Variants in DIP2B observed in about 807,000 individuals in gnomAD.
DIP2B encodes disco-interacting protein 2 homolog B.
A neutral mutation model predicts 198.0 loss-of-function variants in DIP2B; 76 were observed. The ratio of observed to expected loss-of-function variants is 0.38; its 90% CI spans 0.32 to 0.46. DIP2B has a LOEUF of 0.46. DIP2B is among the 20% of genes least tolerant of loss of function. The probability of loss-of-function intolerance (pLI) is 0.99; values close to 1 mark genes in which losing one functional copy is unlikely to be tolerated. For synonymous variants in DIP2B, 701 were observed against 739.1 expected (o/e 0.95, Z 0.84); for missense variants, 1,559 against 1,978.4 (o/e 0.79, Z 4.02).
intron 1 of DIP2B, among the ~76,000 whole-genome samples, chr12:50,510,933 C>A (rs545295950): frequency 2.7e-5 from 4 of 145,662 alleles, no homozygotes; most frequent in Admixed American, 2.2e-4. Flanking sequence ...GCATGAGCCA[C>A]TGCGCCTGGC....
intron 19 of DIP2B, among the ~76,000 whole-genome samples, chr12:50,700,617 C>G (rs1282321406): frequency 6.6e-6 from 1 of 152,180 alleles, no homozygotes; most frequent in Non-Finnish European, 1.5e-5. Flanking sequence ...GGGCTAAGAG[C>G]TCCTGGGCTG....
At chr12:50,511,830 C>T (rs1958019608) in intron 1 of DIP2B, among the ~76,000 whole-genome samples, 1 of 150,786 alleles carries the variant, frequency 6.6e-6, no homozygotes, top group Non-Finnish European at 1.5e-5. Flanking sequence ...CACCTGTAGT[C>T]CCAGCTACTC....
chr12:50,599,862 A>T (rs572756968), intron 1 of DIP2B, among the ~76,000 whole-genome samples: 1 of 152,284 alleles, frequency 6.6e-6, no homozygotes, highest in South Asian at 2.1e-4. Flanking sequence ...TGGCAATAGG[A>T]GATTTTTGAG....
At chr12:50,729,736 C>T (rs117440337) in intron 30 of DIP2B, among the ~76,000 whole-genome samples, 2 of 141,252 alleles carry the variant, frequency 1.4e-5, no homozygotes, top group African/African-American at 5.2e-5. Flanking sequence ...TTTTCTTTTT[C>T]TTTTTTTTTT....
intron 1 of DIP2B, among the ~76,000 whole-genome samples, chr12:50,617,967 T>A (rs1937733728): frequency 6.6e-6 from 1 of 152,222 alleles, no homozygotes; most frequent in South Asian, 2.1e-4. Context: ...TTAATTTTTT[T>A]AAATTGCATC....
chr12:50,538,388 C>G (rs1958288693), intron 1 of DIP2B, among the ~76,000 whole-genome samples: 1 of 152,146 alleles, frequency 6.6e-6, no homozygotes, highest in Non-Finnish European at 1.5e-5. Flanking sequence ...GAAAGCATTG[C>G]CGATAGTCAG....
chr12:50,543,944 A>AT (rs71083596), intron 1 of DIP2B, among the ~76,000 whole-genome samples: 2 of 146,458 alleles, frequency 1.4e-5, no homozygotes, highest in Non-Finnish European at 3.0e-5. Context: ...AAAAAAAAAA[A>AT]GGAGGCTGGG....
intron 20 of DIP2B, among the ~76,000 whole-genome samples, chr12:50,705,782 A>G (rs973164112): frequency 2.0e-5 from 3 of 152,238 alleles, no homozygotes; most frequent in Non-Finnish European, 2.9e-5. Flanking sequence ...TATGTCTTAC[A>G]TGGCCCAGTC....
Position 50,695,306 on chromosome 12 carries a change from T to A in DIP2B, c.1759T>A (p.Ser587Thr). The A allele has an allele frequency of 6.2e-7, 1 of 1,614,102 alleles. No homozygotes were observed. The highest frequency in any genetic ancestry group is 1.7e-4 in the Middle Eastern group (1 of 6,060). Reference sequence around the variant, plus strand: ...GATGCACACAATCAGCGTACCCTACTCTGTTATGAAAACCTGTCCTCTCTC... The same window carrying A: ...GATGCACACAATCAGCGTACCCTACACTGTTATGAAAACCTGTCCTCTCTC... ...NKMHTISVPYSVMKTCPLSWV... is the reference protein window; with the variant it reads ...NKMHTISVPYTVMKTCPLSWV... Residue 587 changes from serine (S) to threonine (T), a missense_variant, in exon 15 of 38, where the codon TCT (serine) becomes ACT (threonine). Coordinates refer to ENST00000301180, the MANE Select transcript of DIP2B (RefSeq NM_173602.3).
intron 1 of DIP2B, among the ~76,000 whole-genome samples, chr12:50,607,487 C>G (rs1958993558): frequency 6.6e-6 from 1 of 152,122 alleles, no homozygotes; most frequent in African/African-American, 2.4e-5. Context: ...CAAATCAAGT[C>G]TTTCCTGTGA....
intron 1 of DIP2B, among the ~76,000 whole-genome samples, chr12:50,546,914 C>A (rs183715506): frequency 3.3e-5 from 5 of 152,170 alleles, no homozygotes; most frequent in African/African-American, 9.7e-5. Context: ...TTTAGAAACA[C>A]ATTACCTATA....
intron 1 of DIP2B, among the ~76,000 whole-genome samples, chr12:50,590,404 C>G (rs1020708371): frequency 2.0e-5 from 3 of 151,172 alleles, no homozygotes; most frequent in African/African-American, 7.3e-5. Flanking sequence ...GAGCCTTGCT[C>G]TGTTGCCCAG....
At chr12:50,673,721 G>A (rs1012453802) in intron 5 of DIP2B, among the ~76,000 whole-genome samples, 1 of 152,206 alleles carries the variant, frequency 6.6e-6, no homozygotes, top group Non-Finnish European at 1.5e-5. Context: ...AGGAGGTTGA[G>A]GCTGTAGTGA....
intron 10 of DIP2B, among the ~76,000 whole-genome samples, chr12:50,685,420 C>T (rs924351215): frequency 6.6e-6 from 1 of 152,174 alleles, no homozygotes; most frequent in Non-Finnish European, 1.5e-5. Flanking sequence ...TCAGCTTGGA[C>T]ATTTAGTATC....
At chr12:50,603,863 T>A (rs1359430234) in intron 1 of DIP2B, among the ~76,000 whole-genome samples, 1 of 152,190 alleles carries the variant, frequency 6.6e-6, no homozygotes, top group East Asian at 1.9e-4. Flanking sequence ...TCACCTTAGG[T>A]GATTAAAGCT....
chr12:50,567,272 T>C (rs914720522), intron 1 of DIP2B, among the ~76,000 whole-genome samples: 3 of 152,220 alleles, frequency 2.0e-5, no homozygotes, highest in Admixed American at 2.0e-4. Context: ...TAGTACATTA[T>C]TAATACAAAG....
chr12:50,658,244 C>G (rs1198008865), intron 3 of DIP2B, among the ~76,000 whole-genome samples: 1 of 151,976 alleles, frequency 6.6e-6, no homozygotes, highest in Non-Finnish European at 1.5e-5. Context: ...TCAAGTGATT[C>G]TTCTGCCTCA....
chr12:50,664,689 A>G (rs1938714554), intron 4 of DIP2B, among the ~76,000 whole-genome samples: 1 of 152,132 alleles, frequency 6.6e-6, no homozygotes, highest in African/African-American at 2.4e-5. Flanking sequence ...ATGACCAAAT[A>G]GACCACATAA....
At chr12:50,680,853 CAG>C in intron 9 of DIP2B, 90 bp downstream of exon 9, 1 of 1,220,166 alleles carries the variant, frequency 8.2e-7, no homozygotes, top group Non-Finnish European at 1.2e-6. Flanking sequence ...TCATATACAA[CAG>C]GAAAATTTAT....
Sources: allele counts gnomAD v4.1 joint callset (sites outside exome capture counted in the v4.1 genomes callset), GRCh38; gene constraint gnomAD v4.1.1; transcripts MANE v1.5; gene names NCBI Gene and HGNC (gene_info 2026-07-23, HGNC 2026-07-21).